PDE4D: variants seen among roughly 807,000 people sequenced by gnomAD.
The protein encoded by PDE4D is 3',5'-cyclic-AMP phosphodiesterase 4D.
Under a neutral mutation model 87.4 loss-of-function variants are expected in PDE4D, and 24 were observed. The ratio of observed to expected loss-of-function variants is 0.27; its 90% confidence interval spans 0.20 to 0.39. PDE4D has a LOEUF of 0.39. Among genes scored for constraint, PDE4D ranks in the 10% least tolerant of loss-of-function variants. PDE4D has a pLI of 1.00. For synonymous variants in PDE4D, 384 were observed against 383.2 expected, an observed-to-expected ratio of 1.00 and a Z score of -0.02; for missense variants, 714 against 1,041.0, an observed-to-expected ratio of 0.69 and a Z score of 4.32.
chr5:60,408,910 T>C (rs1365495186), intron 1 of PDE4D, among the ~76,000 whole-genome samples: 1 of 152,210 alleles, frequency 6.6e-6, no homozygotes, highest in Non-Finnish European at 1.5e-5. Flanking sequence ...ATAATCATAA[T>C]GATTCTTTTT....
intron 1 of PDE4D, among the ~76,000 whole-genome samples, chr5:59,323,794 T>G (rs1775145760): frequency 6.6e-6 from 1 of 151,864 alleles, no homozygotes; most frequent in Admixed American, 6.6e-5. Context: ...ATTTTTTTTT[T>G]GAAGTGCATA....
At chr5:60,289,564 G>A (rs1384444786) in intron 1 of PDE4D, among the ~76,000 whole-genome samples, 3 of 152,112 alleles carry the variant, frequency 2.0e-5, no homozygotes, top group Non-Finnish European at 4.4e-5. Context: ...CCCTACTGCT[G>A]AAATAGCAAT....
At chr5:60,213,456 C>G (rs757051885) in intron 1 of PDE4D, among the ~76,000 whole-genome samples, 3 of 152,128 alleles carry the variant, frequency 2.0e-5, no homozygotes, top group Non-Finnish European at 4.4e-5. Context: ...TCACGGGCAG[C>G]CTTCTGGGAT....
intron 2 of PDE4D, among the ~76,000 whole-genome samples, chr5:60,110,391 C>A (rs1396077023): frequency 1.3e-5 from 2 of 151,914 alleles, no homozygotes; most frequent in Non-Finnish European, 1.5e-5. Context: ...AAAAGACTTG[C>A]AAATGGCCAA....
At chr5:60,455,118 T>G (rs1442288411) in intron 1 of PDE4D, among the ~76,000 whole-genome samples, 1 of 152,116 alleles carries the variant, frequency 6.6e-6, no homozygotes, top group Non-Finnish European at 1.5e-5. Context: ...GTATAAAATT[T>G]TAAAATTCTT....
intron 6 of PDE4D, among the ~76,000 whole-genome samples, chr5:59,021,204 A>G (rs1188361288): frequency 6.6e-6 from 1 of 152,152 alleles, no homozygotes; most frequent in African/African-American, 2.4e-5. Context: ...CTTCAATAAG[A>G]GTCTTTTTTA....
chr5:59,946,165 TACTC>T (rs1757704412), intron 3 of PDE4D, among the ~76,000 whole-genome samples: 1 of 152,168 alleles, frequency 6.6e-6, no homozygotes, highest in African/African-American at 2.4e-5. Context: ...TGGTTTAAAA[TACTC>T]ACTCTGGCCA....
At chr5:59,173,082 A>G (rs1173545215) in intron 5 of PDE4D, among the ~76,000 whole-genome samples, 1 of 152,152 alleles carries the variant, frequency 6.6e-6, no homozygotes, top group Non-Finnish European at 1.5e-5. Flanking sequence ...TTTTTAACAT[A>G]TATGCTAGCT....
chr5:60,145,943 G>A (rs1357072653), intron 2 of PDE4D, among the ~76,000 whole-genome samples: 2 of 152,186 alleles, frequency 1.3e-5, no homozygotes, highest in Non-Finnish European at 2.9e-5. Context: ...TCTGGGTGTG[G>A]TGGCGCACGC....
intron 1 of PDE4D, among the ~76,000 whole-genome samples, chr5:59,310,396 T>C (rs1310035480): frequency 1.3e-5 from 2 of 152,156 alleles, no homozygotes; most frequent in African/African-American, 4.8e-5. Context: ...ACCAATTCTT[T>C]ATTTCCTATC....
At chr5:59,878,870 C>T (rs1361810548) in intron 1 of PDE4D, among the ~76,000 whole-genome samples, 1 of 142,472 alleles carries the variant, frequency 7.0e-6, no homozygotes. Context: ...CCATGGTCTA[C>T]ATATCTACCG....
intron 1 of PDE4D, among the ~76,000 whole-genome samples, chr5:59,884,041 C>T (rs573437515): frequency 4.6e-5 from 7 of 151,938 alleles, no homozygotes; most frequent in Non-Finnish European, 8.8e-5. Context: ...ATTATAAAAA[C>T]AACACATGCT....
At chr5:60,357,055 A>T (rs1242899838) in intron 1 of PDE4D, among the ~76,000 whole-genome samples, 1 of 152,156 alleles carries the variant, frequency 6.6e-6, no homozygotes, top group African/African-American at 2.4e-5. Context: ...TGCAACTAGA[A>T]ACAGAGGTGG....
chr5:59,778,967 C>A lies in PDE4D; in HGVS notation c.455+114201G>T, dbSNP rs78252644. On this transcript the variant is annotated intron_variant, in intron 1 of 14. Transcript: ENST00000340635. ...ATCACCTGAGGTCAGGAATTTGAGACCAAACTGGCCAACACAATGAAAACC... is the reference window on the plus strand; with the variant it reads ...ATCACCTGAGGTCAGGAATTTGAGAACAAACTGGCCAACACAATGAAAACC... Among the ~76,000 whole-genome samples, 1,506 of 152,198 alleles carry A rather than the reference C, an allele frequency of 9.9e-3. 22 individuals are homozygous for A. Among genetic ancestry groups the A allele is most frequent in the African/African-American group, 0.034 (1,429 of 41,524 alleles).
intron 1 of PDE4D, among the ~76,000 whole-genome samples, chr5:59,298,421 G>A (rs1156399092): frequency 6.6e-6 from 1 of 151,940 alleles, no homozygotes; most frequent in Non-Finnish European, 1.5e-5. Flanking sequence ...GGCCATAAGT[G>A]TAACTTTTAA....
At chr5:59,664,770 G>C (rs1025463163) in intron 1 of PDE4D, among the ~76,000 whole-genome samples, 5 of 152,188 alleles carry the variant, frequency 3.3e-5, no homozygotes, top group Non-Finnish European at 5.9e-5. Flanking sequence ...AAATAAGGTT[G>C]ATAAGTCTAA....
At chr5:59,023,112 T>A (rs1580353387) in intron 6 of PDE4D, among the ~76,000 whole-genome samples, 1 of 151,210 alleles carries the variant, frequency 6.6e-6, no homozygotes, top group South Asian at 2.1e-4. Context: ...GAGGAGAAGG[T>A]TGCAGTGAGC....
intron 1 of PDE4D, among the ~76,000 whole-genome samples, chr5:60,413,715 A>AT (rs5868241): frequency 0.12 from 16,678 of 144,094 alleles, 1,353 homozygotes; most frequent in East Asian, 0.39. Flanking sequence ...TTTTTCGTTT[A>AT]TTTTTTTTTT....
chr5:59,001,560 T>G (rs185397310), intron 6 of PDE4D, among the ~76,000 whole-genome samples: 8 of 152,324 alleles, frequency 5.3e-5, no homozygotes, highest in Non-Finnish European at 8.8e-5. Flanking sequence ...ACTAAGGTCC[T>G]CCTTTTCTCT....
Sources: gnomAD v4.1 joint callset for allele counts (sites outside exome capture counted in the v4.1 genomes callset) on GRCh38, gnomAD v4.1.1 for gene constraint, MANE v1.5 for transcripts, NCBI Gene and HGNC (gene_info 2026-07-23, HGNC 2026-07-21) for gene names.